MED13L: variants seen among roughly 807,000 people sequenced by gnomAD.
The protein encoded by MED13L is mediator complex subunit 13L.
In MED13L, 7 loss-of-function variants were observed where a neutral mutation model predicts 220.9. The observed-to-expected ratio is 0.03, with a 90% CI of 0.02 to 0.06. MED13L has a LOEUF of 0.06. Among genes scored for constraint, MED13L ranks in the 10% least tolerant of loss-of-function variants. The probability of loss-of-function intolerance (pLI) is 1.00; values close to 1 mark genes in which losing one functional copy is unlikely to be tolerated. For synonymous variants in MED13L, 1,011 were observed against 1,015.2 expected (o/e 1.00, Z 0.08); for missense variants, 1,965 against 2,760.5 (o/e 0.71, Z 6.46).
intron 2 of MED13L, among the ~76,000 whole-genome samples, chr12:116,155,379 T>C (rs1437246136): frequency 1.3e-5 from 2 of 152,126 alleles, no homozygotes; most frequent in Non-Finnish European, 2.9e-5. Flanking sequence ...GCCATGATCA[T>C]GTCACTGCAC....
chr12:116,102,852 G>C (rs1873209833), intron 3 of MED13L, among the ~76,000 whole-genome samples: 1 of 150,532 alleles, frequency 6.6e-6, no homozygotes, highest in African/African-American at 2.4e-5. Context: ...CTCCTGAGTA[G>C]CCGGGATTAC....
intron 4 of MED13L, among the ~76,000 whole-genome samples, chr12:116,059,398 A>G (rs1049087605): frequency 6.6e-6 from 1 of 150,818 alleles, no homozygotes; most frequent in African/African-American, 2.4e-5. Context: ...ATAACCCTCC[A>G]GTAAAAAATT....
At chr12:115,982,148 A>T in intron 22 of MED13L, 1 of 529,074 alleles carries the variant, frequency 1.9e-6, no homozygotes, top group Non-Finnish European at 3.4e-6. Flanking sequence ...TGTAAGGTGT[A>T]TATGAAACAT....
chr12:116,101,592 G>A (rs564936652), intron 3 of MED13L, among the ~76,000 whole-genome samples: 2 of 152,266 alleles, frequency 1.3e-5, no homozygotes, highest in South Asian at 2.1e-4. Context: ...TCCCACTGAA[G>A]ATTAAAATCA....
chr12:116,193,850 G>A (rs1354220953), intron 2 of MED13L, among the ~76,000 whole-genome samples: 1 of 152,130 alleles, frequency 6.6e-6, no homozygotes, highest in Non-Finnish European at 1.5e-5. Context: ...ACCGATCACT[G>A]TACATCAGTC....
chr12:116,051,327 GAATT>G (rs1434658599), intron 4 of MED13L, among the ~76,000 whole-genome samples: 1 of 151,600 alleles, frequency 6.6e-6, no homozygotes, highest in African/African-American at 2.4e-5. Context: ...CAATAGAAAT[GAATT>G]AATATTTAAC....
At chr12:116,145,349 T>C (rs1285573098) in intron 2 of MED13L, among the ~76,000 whole-genome samples, 1 of 152,178 alleles carries the variant, frequency 6.6e-6, no homozygotes, top group Non-Finnish European at 1.5e-5. Context: ...CTAGAACAGG[T>C]ATTCTGGAAC....
chr12:116,113,891 A>G (rs1450023635), intron 2 of MED13L, among the ~76,000 whole-genome samples: 1 of 151,382 alleles, frequency 6.6e-6, no homozygotes, highest in Non-Finnish European at 1.5e-5. Context: ...AGATCGATCA[A>G]GAAGGGAGAA....
chr12:116,087,228 A>C (rs979567784), intron 4 of MED13L, among the ~76,000 whole-genome samples: 1 of 152,188 alleles, frequency 6.6e-6, no homozygotes, highest in African/African-American at 2.4e-5. Flanking sequence ...TAGCTACTTT[A>C]TTTATGCTAT....
At chr12:116,174,645 C>T (rs1167285271) in intron 2 of MED13L, 2 of 152,140 alleles carry the variant, frequency 1.3e-5, no homozygotes, top group Admixed American at 6.5e-5. Context: ...TATGGGATAA[C>T]TCTATGGGAT....
At chr12:116,261,918 T>A (rs565327709) in intron 1 of MED13L, among the ~76,000 whole-genome samples, 1 of 152,332 alleles carries the variant, frequency 6.6e-6, no homozygotes, top group East Asian at 1.9e-4. Context: ...AGCTTCTTCC[T>A]GCCTTTGGTT....
intron 2 of MED13L, among the ~76,000 whole-genome samples, chr12:116,225,188 CAAAT>C (rs904323070): frequency 3.9e-5 from 6 of 152,198 alleles, no homozygotes; most frequent in African/African-American, 1.4e-4. Flanking sequence ...TACTGGGAAT[CAAAT>C]AGATATATCT....
At chr12:116,270,164 A>T (rs1365561997) in intron 1 of MED13L, among the ~76,000 whole-genome samples, 3 of 150,318 alleles carry the variant, frequency 2.0e-5, no homozygotes, top group African/African-American at 7.3e-5. Context: ...TTTTTTTGAG[A>T]CAGACTCTCG....
chr12:116,264,537 A>G (rs1276389046), intron 1 of MED13L, among the ~76,000 whole-genome samples: 4 of 152,210 alleles, frequency 2.6e-5, no homozygotes, highest in Non-Finnish European at 4.4e-5. Flanking sequence ...AAAACACTCA[A>G]GTTACAAGAT....
At chr12:116,098,075 T>C (rs1397049332) in intron 3 of MED13L, among the ~76,000 whole-genome samples, 1 of 151,988 alleles carries the variant, frequency 6.6e-6, no homozygotes, top group Non-Finnish European at 1.5e-5. Flanking sequence ...TCAAACCCCG[T>C]TTCTACTAAA....
intron 2 of MED13L, among the ~76,000 whole-genome samples, chr12:116,173,374 C>T (rs552320272): frequency 6.6e-6 from 1 of 152,104 alleles, no homozygotes; most frequent in Admixed American, 6.5e-5. Flanking sequence ...CAGACAGAGA[C>T]AAACTCAAGA....
chr12:116,146,775 C>T (rs1430162670), intron 2 of MED13L, among the ~76,000 whole-genome samples: 1 of 151,626 alleles, frequency 6.6e-6, no homozygotes, highest in African/African-American at 2.4e-5. Flanking sequence ...GGCTGAGGCA[C>T]AAAAATTGCT....
At chr12:116,253,744 G>GTTTTTTTCGTTTTTTTTTTTTTTTTTTTT (rs1565951343) in intron 1 of MED13L, among the ~76,000 whole-genome samples, 1 of 108,686 alleles carries the variant, frequency 9.2e-6, no homozygotes, top group African/African-American at 3.8e-5. Flanking sequence ...CACCTTCACG[G>GTTTTTTTCGTTTTTTTTTTTTTTTTTTTT]TTTTTTTTGT....
At chr12:116,231,589 G>A (rs1196623633) in intron 2 of MED13L, among the ~76,000 whole-genome samples, 1 of 152,110 alleles carries the variant, frequency 6.6e-6, no homozygotes, top group African/African-American at 2.4e-5. Context: ...CAGAGAGAGA[G>A]AAAACTATAA....
Sources: allele counts gnomAD v4.1 joint callset (sites outside exome capture counted in the v4.1 genomes callset), GRCh38; gene constraint gnomAD v4.1.1; transcripts MANE v1.5; gene names NCBI Gene and HGNC (gene_info 2026-07-23, HGNC 2026-07-21).